SIPA1L1: variants seen among roughly 807,000 people sequenced by gnomAD.
SIPA1L1 encodes signal-induced proliferation-associated 1-like protein 1.
SIPA1L1 carries 26 observed loss-of-function variants against 162.7 expected under a neutral mutation model. That is an observed-to-expected ratio of 0.16 (90% CI 0.12 to 0.22). The LOEUF is 0.22. Ranked by LOEUF, SIPA1L1 falls within the 10% of genes least tolerant of loss-of-function variation. The pLI is 1.00. For synonymous variants in SIPA1L1, 829 were observed against 837.4 expected (o/e 0.99, Z 0.17); for missense variants, 1,874 against 2,241.0 (o/e 0.84, Z 3.31).
At chr14:71,333,260 G>A (rs1004354724) in intron 2 of SIPA1L1, among the ~76,000 whole-genome samples, 15 of 152,178 alleles carry the variant, frequency 9.9e-5, no homozygotes, top group African/African-American at 3.4e-4. Flanking sequence ...TCTTTTATGT[G>A]TAGTCGTCTT....
chr14:71,532,847 T>C (rs757164030), intron 4 of SIPA1L1, among the ~76,000 whole-genome samples: 1 of 152,252 alleles, frequency 6.6e-6, no homozygotes, highest in Non-Finnish European at 1.5e-5. Flanking sequence ...ATGGTTCCCA[T>C]ACTATTTTCC....
At chr14:71,686,964 G>C (rs983768589) in intron 13 of SIPA1L1, among the ~76,000 whole-genome samples, 4 of 152,168 alleles carry the variant, frequency 2.6e-5, no homozygotes, top group African/African-American at 9.7e-5. Flanking sequence ...AATCATCACC[G>C]CTCCAGTTTG....
intron 2 of SIPA1L1, among the ~76,000 whole-genome samples, chr14:71,424,101 G>A (rs944984407): frequency 5.3e-5 from 8 of 152,062 alleles, no homozygotes; most frequent in Non-Finnish European, 1.2e-4. Context: ...ATATAGAAAT[G>A]CAACTGATTT....
intron 2 of SIPA1L1, chr14:71,497,970 G>A (rs2049920213): frequency 6.6e-6 from 1 of 152,234 alleles, no homozygotes; most frequent in Admixed American, 6.5e-5. Flanking sequence ...ATGTTGGAGA[G>A]TTCTCATTTC....
intron 2 of SIPA1L1, among the ~76,000 whole-genome samples, chr14:71,425,956 A>G (rs1226431853): frequency 1.3e-5 from 2 of 151,876 alleles, no homozygotes; most frequent in Non-Finnish European, 2.9e-5. Context: ...TTTTTTGTTT[A>G]ATGTAAGCGT....
chr14:71,450,208 G>A (rs1021606474), intron 2 of SIPA1L1, among the ~76,000 whole-genome samples: 2 of 152,008 alleles, frequency 1.3e-5, no homozygotes, highest in Non-Finnish European at 2.9e-5. Flanking sequence ...ATAAATATAT[G>A]TAACTTTATA....
At chr14:71,499,656 G>GA (rs199589553) in intron 2 of SIPA1L1, among the ~76,000 whole-genome samples, 3 of 151,608 alleles carry the variant, frequency 2.0e-5, no homozygotes, top group Non-Finnish European at 4.4e-5. Flanking sequence ...TTAGCAAAAG[G>GA]AAAAAAAAGG....
chr14:71,457,486 A>C (rs2046271265), intron 2 of SIPA1L1, among the ~76,000 whole-genome samples: 1 of 151,722 alleles, frequency 6.6e-6, no homozygotes, highest in South Asian at 2.1e-4. Context: ...TTCAGTAGAG[A>C]TGGGGTTTCA....
intron 7 of SIPA1L1, among the ~76,000 whole-genome samples, chr14:71,633,145 A>ATGTTC (rs779706796): frequency 2.8e-5 from 4 of 144,324 alleles, no homozygotes; most frequent in Non-Finnish European, 6.0e-5. Context: ...ATGTTATGTT[A>ATGTTC]TGTTATGTTA....
At chr14:71,648,318 G>A (rs1415485218) in intron 7 of SIPA1L1, among the ~76,000 whole-genome samples, 2 of 152,080 alleles carry the variant, frequency 1.3e-5, no homozygotes, top group African/African-American at 4.8e-5. Flanking sequence ...ATATATCCAG[G>A]AACCCTCCTG....
At chr14:71,653,840 C>T (rs1253515120) in intron 8 of SIPA1L1, among the ~76,000 whole-genome samples, 1 of 152,116 alleles carries the variant, frequency 6.6e-6, no homozygotes, top group Non-Finnish European at 1.5e-5. Context: ...ACAGAATTGG[C>T]TTCTTTAGAT....
chr14:71,571,942 G>A (rs1223799122), intron 4 of SIPA1L1, among the ~76,000 whole-genome samples: 2 of 151,766 alleles, frequency 1.3e-5, no homozygotes, highest in African/African-American at 2.4e-5. Context: ...GTGAGCCACC[G>A]TGCCTGGCCT....
At chr14:71,637,268 C>T (rs935048118) in intron 7 of SIPA1L1, among the ~76,000 whole-genome samples, 6 of 151,954 alleles carry the variant, frequency 3.9e-5, no homozygotes, top group Admixed American at 1.3e-4. Context: ...TTCATGGTTT[C>T]GCTTTCTGCA....
chr14:71,321,891 A>T (rs563100488), intron 2 of SIPA1L1: 4 of 152,344 alleles, frequency 2.6e-5, no homozygotes, highest in African/African-American at 9.6e-5. Flanking sequence ...ACAGAGAGAC[A>T]TGGGAAATGG....
chr14:71,468,036 G>C (rs949918291), intron 2 of SIPA1L1, among the ~76,000 whole-genome samples: 1 of 151,062 alleles, frequency 6.6e-6, no homozygotes, highest in Non-Finnish European at 1.5e-5. Flanking sequence ...GTGTGTGTGT[G>C]TGTGTGTGTG....
In SIPA1L1 at chr14:71,672,509, C is replaced by T; in HGVS notation, c.2991C>T (p.Ile997=). 6.2e-7 allele frequency: 1 copy of T among 1,614,190 alleles called. No individual in the cohort carries two copies. Among genetic ancestry groups the T allele is most frequent in the Non-Finnish European group, 8.5e-7 (1 of 1,180,026 alleles). The change falls in exon 12 of 24, where the codon ATC becomes ATT. Residue 997 remains isoleucine (I), a synonymous_variant. Coordinates refer to ENST00000381232, the MANE Select transcript of SIPA1L1 (RefSeq NM_001386936.1). The part of the protein sequence containing the change: ...GLRQGSRLVE[I]CKVAVATLSH... Reference sequence around the variant, plus strand: ...GGCAGGGCAGTCGCCTGGTGGAGATCTGCAAGGTGGCGGTAGCCACTCTGA... The same window carrying T: ...GGCAGGGCAGTCGCCTGGTGGAGATTTGCAAGGTGGCGGTAGCCACTCTGA...
At chr14:71,675,675 T>C (rs143394181) in intron 12 of SIPA1L1, among the ~76,000 whole-genome samples, 1 of 152,332 alleles carries the variant, frequency 6.6e-6, no homozygotes, top group East Asian at 1.9e-4. Flanking sequence ...CTTTGAATAG[T>C]CATTCTCTTC....
At chr14:71,661,840 A>G (rs550366751) in intron 10 of SIPA1L1, among the ~76,000 whole-genome samples, 24 of 152,320 alleles carry the variant, frequency 1.6e-4, no homozygotes, top group Non-Finnish European at 2.9e-4. Flanking sequence ...TTTGAAAAGC[A>G]TTGTTATTAA....
intron 2 of SIPA1L1, among the ~76,000 whole-genome samples, chr14:71,336,700 C>A (rs75588977): frequency 0.017 from 2,621 of 152,280 alleles, 69 homozygotes; most frequent in African/African-American, 0.06. Context: ...AAAATAAAAC[C>A]ACCCTAGTAC....
Sources: allele counts gnomAD v4.1 joint callset (sites outside exome capture counted in the v4.1 genomes callset), GRCh38; gene constraint gnomAD v4.1.1; transcripts MANE v1.5; gene names NCBI Gene and HGNC (gene_info 2026-07-23, HGNC 2026-07-21).